Variants in ZNF83 observed in about 807,000 individuals in gnomAD.
ZNF83 encodes the protein zinc finger protein 83.
For missense variants in ZNF83, 552 were observed against 629.9 expected (o/e 0.88, Z 1.32); for synonymous variants, 209 against 213.0 (o/e 0.98, Z 0.17).
upstream of ZNF83, among the ~76,000 whole-genome samples, chr19:52,641,907 G>A (rs1017434082): frequency 6.6e-6 from 1 of 152,094 alleles, no homozygotes; most frequent in Non-Finnish European, 1.5e-5. Context: ...ACATTAATTC[G>A]GTCTGGAAAG....
At chr19:52,661,078 G>A (rs575890339) in intron 1 of ZNF83, among the ~76,000 whole-genome samples, 27 of 151,956 alleles carry the variant, frequency 1.8e-4, no homozygotes, top group African/African-American at 6.0e-4. Context: ...TTGGCCAGGA[G>A]AGTCTCAATC....
intron 1 of ZNF83, among the ~76,000 whole-genome samples, chr19:52,661,439 C>T (rs1275241721): frequency 6.6e-6 from 1 of 152,164 alleles, no homozygotes; most frequent in Non-Finnish European, 1.5e-5. Flanking sequence ...AGCCCCCTCA[C>T]CTCCCTGTGG....
chr19:52,629,645 G>A (rs571015674), intron 2 of ZNF83, among the ~76,000 whole-genome samples: 2 of 152,220 alleles, frequency 1.3e-5, no homozygotes, highest in East Asian at 3.9e-4. Context: ...CAAGGTTAAT[G>A]CTCCTTTTTC....
At chr19:52,618,933 C>A in intron 2 of ZNF83, 1 of 1,548,754 alleles carries the variant, frequency 6.5e-7, no homozygotes, top group African/African-American at 1.4e-5. Flanking sequence ...AAGTTATCCT[C>A]ACCCAGGGAG....
chr19:52,666,025 A>G (rs1201527047), intron 1 of ZNF83, among the ~76,000 whole-genome samples: 1 of 151,782 alleles, frequency 6.6e-6, no homozygotes, highest in Admixed American at 6.6e-5. Context: ...TTAGCCGGGC[A>G]TGGTGATGGG....
chr19:52,685,624 C>CGGTA (rs1568586615), intron 1 of ZNF83, among the ~76,000 whole-genome samples: 1 of 151,956 alleles, frequency 6.6e-6, no homozygotes, highest in African/African-American at 2.4e-5. Context: ...TGGTCAGGCA[C>CGGTA]GGTAGCTCTT....
At chr19:52,661,573 A>C (rs1329453112) in intron 1 of ZNF83, among the ~76,000 whole-genome samples, 3 of 152,202 alleles carry the variant, frequency 2.0e-5, no homozygotes, top group Admixed American at 6.5e-5. Context: ...GATAATAGCA[A>C]TCTTTGATAG....
chr19:52,637,208 T>G (rs2061178557), intron 1 of ZNF83: 1 of 152,456 alleles, frequency 6.6e-6, no homozygotes, highest in African/African-American at 2.4e-5. Context: ...TCCTCAATCT[T>G]GATATATTTC....
At chr19:52,657,323 A>G (rs1049501846) in intron 2 of ZNF83, among the ~76,000 whole-genome samples, 3 of 152,158 alleles carry the variant, frequency 2.0e-5, no homozygotes, top group African/African-American at 7.2e-5. Flanking sequence ...TAAATTAAAA[A>G]TTAGTGAAAA....
intron 2 of ZNF83, among the ~76,000 whole-genome samples, chr19:52,624,584 C>A (rs188859527): frequency 6.6e-6 from 1 of 152,186 alleles, no homozygotes; most frequent in African/African-American, 2.4e-5. Flanking sequence ...GCTCTGGAGA[C>A]TGCTCCCACA....
At chr19:52,623,499 C>T (rs919916539) in intron 2 of ZNF83, among the ~76,000 whole-genome samples, 2 of 152,162 alleles carry the variant, frequency 1.3e-5, no homozygotes, top group South Asian at 2.1e-4. Context: ...CTGCCCAGTT[C>T]CCTTATTAGG....
At chr19:52,670,070 G>A (rs934165522) in intron 1 of ZNF83, among the ~76,000 whole-genome samples, 2 of 151,904 alleles carry the variant, frequency 1.3e-5, no homozygotes, top group African/African-American at 4.8e-5. Flanking sequence ...TCCTCATAAA[G>A]CAACCTTTTT....
At chr19:52,618,318 G>A (rs2060393411) in intron 2 of ZNF83, among the ~76,000 whole-genome samples, 1 of 150,902 alleles carries the variant, frequency 6.6e-6, no homozygotes, top group African/African-American at 2.4e-5. Context: ...AGAGTGCAGT[G>A]GCACGATCTC....
intron 1 of ZNF83, among the ~76,000 whole-genome samples, chr19:52,686,509 A>T (rs1004989660): frequency 2.6e-5 from 4 of 151,188 alleles, no homozygotes; most frequent in Non-Finnish European, 5.9e-5. Flanking sequence ...GAAAGAAAAA[A>T]AAAAAGAAAT....
At chr19:52,656,351 A>G (rs1001559606) in intron 2 of ZNF83, among the ~76,000 whole-genome samples, 1 of 151,990 alleles carries the variant, frequency 6.6e-6, no homozygotes, top group Non-Finnish European at 1.5e-5. Context: ...GTGAAACCCC[A>G]TATCTACTAA....
At chr19:52,666,107 T>G (rs1430085357) in intron 1 of ZNF83, among the ~76,000 whole-genome samples, 2 of 141,994 alleles carry the variant, frequency 1.4e-5, no homozygotes, top group Non-Finnish European at 3.0e-5. Flanking sequence ...GAGCTTGCAG[T>G]GAGCCAAGAT....
chr19:52,634,723 C>G (rs1337238962), intron 2 of ZNF83, among the ~76,000 whole-genome samples: 1 of 152,170 alleles, frequency 6.6e-6, no homozygotes, highest in Non-Finnish European at 1.5e-5. Flanking sequence ...CTGCTCTAAT[C>G]CTGGTCCACA....
Position 52,613,125 on chromosome 19 carries a change from A to T in ZNF83, c.1440T>A (p.Thr480=), listed in dbSNP as rs770489114. ...CATTACATTTGAAATGTTTCTCTCC[A>T]GTGTGGATCGCATGATGATTAGTGA... The change falls in exon 3 of 3, where the codon ACT becomes ACA. Residue 480 remains threonine, a synonymous_variant. Coordinates refer to ENST00000301096, the Ensembl canonical transcript of ZNF83. 3.1e-6 allele frequency: 5 copies of T among 1,614,086 alleles called. No individual in the cohort carries two copies. In the South Asian group the frequency reaches 5.5e-5, roughly 18 times the overall value.
chr19:52,634,067 C>T (rs897219772), intron 2 of ZNF83, among the ~76,000 whole-genome samples: 2 of 150,876 alleles, frequency 1.3e-5, no homozygotes, highest in Non-Finnish European at 1.5e-5. Flanking sequence ...GTCAGGACTT[C>T]GAGACCAGCC....
Sources: allele counts gnomAD v4.1 joint callset (sites outside exome capture counted in the v4.1 genomes callset), GRCh38; gene constraint gnomAD v4.1.1; transcripts MANE v1.5; gene names NCBI Gene and HGNC (gene_info 2026-07-23, HGNC 2026-07-21).